The following SORCS1 variants were observed in gnomAD, a reference collection of about 807,000 sequenced individuals.
SORCS1 encodes the protein sortilin related VPS10 domain containing receptor 1, also known as VPS10 domain-containing receptor SorCS1.
SORCS1 carries 60 observed loss-of-function variants against 146.1 expected under a neutral mutation model. The ratio of observed to expected loss-of-function variants is 0.41; its 90% CI spans 0.33 to 0.51. The LOEUF (loss-of-function observed/expected upper bound fraction) is 0.51, where lower values mean the gene tolerates loss of function less well. SORCS1 is among the 20% of genes least tolerant of loss of function. The pLI, the probability that SORCS1 is intolerant of heterozygous loss-of-function variation, is 0.21. For synonymous variants in SORCS1, 637 were observed against 584.0 expected, an observed-to-expected ratio of 1.09 and a Z score of -1.31; for missense variants, 1,352 against 1,487.6, an observed-to-expected ratio of 0.91 and a Z score of 1.50.
At chr10:107,018,598 A>T (rs1433032592) in intron 1 of SORCS1, among the ~76,000 whole-genome samples, 1 of 151,910 alleles carries the variant, frequency 6.6e-6, no homozygotes, top group Non-Finnish European at 1.5e-5. Context: ...TTAAGCTTGT[A>T]TGCTTTTCTT....
At chr10:107,043,372 C>A (rs960472756) in intron 1 of SORCS1, among the ~76,000 whole-genome samples, 6 of 152,154 alleles carry the variant, frequency 3.9e-5, no homozygotes, top group Admixed American at 2.6e-4. Flanking sequence ...GTAAGTCTTA[C>A]AATGTTGATT....
intron 19 of SORCS1, among the ~76,000 whole-genome samples, chr10:106,625,124 C>CTT (rs1021445422): frequency 1.3e-5 from 2 of 152,042 alleles, no homozygotes; most frequent in African/African-American, 4.8e-5. Flanking sequence ...CTGGGTTTCC[C>CTT]CTCTCTTTTC....
intron 3 of SORCS1, among the ~76,000 whole-genome samples, chr10:106,808,148 T>C (rs1947280901): frequency 6.6e-6 from 1 of 151,856 alleles, no homozygotes; most frequent in Non-Finnish European, 1.5e-5. Flanking sequence ...GCCTCCCGAG[T>C]AGCTGGGATT....
rs143321004 is a variant in SORCS1, at chr10:106,603,176, G to GA, written c.3165+3989dup. ...GTCTTTCCTCCCTACAGGAGAGACA[G>GA]AAACAAATTTATTCACCCCTGAGGA... On this transcript the variant is annotated intron_variant, in intron 23 of 25. Coordinates refer to ENST00000263054, the MANE Select transcript of SORCS1 (RefSeq NM_052918.5). 5.5e-3 allele frequency among the ~76,000 whole-genome samples: 842 copies of GA among 152,278 alleles called. 11 individuals carry two copies. The highest frequency in any genetic ancestry group is 0.019 in the African/African-American group (803 of 41,546).
intron 6 of SORCS1, among the ~76,000 whole-genome samples, chr10:106,717,369 C>G (rs573813495): frequency 1.3e-5 from 2 of 152,318 alleles, no homozygotes; most frequent in Admixed American, 1.3e-4. Context: ...TCACATGTAC[C>G]AGCTAGAAAT....
chr10:106,853,338 A>T (rs937516903), intron 2 of SORCS1, among the ~76,000 whole-genome samples: 2 of 150,996 alleles, frequency 1.3e-5, no homozygotes, highest in African/African-American at 4.9e-5. Flanking sequence ...TTCTGACATT[A>T]GTATTTTGTG....
chr10:106,692,775 A>G (rs1853396325), intron 9 of SORCS1, among the ~76,000 whole-genome samples: 1 of 152,088 alleles, frequency 6.6e-6, no homozygotes, highest in South Asian at 2.1e-4. Flanking sequence ...CTATAAGTGT[A>G]ACATTCTACA....
chr10:107,092,878 A>G (rs1457192509), intron 1 of SORCS1, among the ~76,000 whole-genome samples: 1 of 130,774 alleles, frequency 7.6e-6, no homozygotes, highest in African/African-American at 2.9e-5. Context: ...CTAAAAGAAG[A>G]CCATGAAAAA....
At chr10:106,968,270 G>A (rs1388759778) in intron 1 of SORCS1, among the ~76,000 whole-genome samples, 1 of 152,190 alleles carries the variant, frequency 6.6e-6, no homozygotes, top group Non-Finnish European at 1.5e-5. Context: ...TTTTGTAGGA[G>A]CGAGATGGAA....
intron 2 of SORCS1, among the ~76,000 whole-genome samples, chr10:106,912,835 T>C (rs1236259694): frequency 2.6e-5 from 4 of 152,086 alleles, no homozygotes; most frequent in African/African-American, 9.6e-5. Context: ...CACACCACCA[T>C]GCCCGGCTAA....
chr10:106,940,522 G>C (rs953242667), intron 2 of SORCS1, among the ~76,000 whole-genome samples: 2 of 152,174 alleles, frequency 1.3e-5, no homozygotes, highest in African/African-American at 4.8e-5. Flanking sequence ...ATGTAAAACA[G>C]AGCACATGAG....
intron 14 of SORCS1, among the ~76,000 whole-genome samples, chr10:106,674,352 A>AAAAAAAAAAAAAAAAAAAC (rs1851861612): frequency 6.9e-6 from 1 of 145,388 alleles, no homozygotes; most frequent in African/African-American, 2.5e-5. Flanking sequence ...AAAAAAAAAA[A>AAAAAAAAAAAAAAAAAAAC]AAAAAGTAGT....
chr10:107,016,634 T>C (rs567678402), intron 1 of SORCS1, among the ~76,000 whole-genome samples: 1 of 152,350 alleles, frequency 6.6e-6, no homozygotes, highest in Non-Finnish European at 1.5e-5. Flanking sequence ...ATTTCTTTAA[T>C]AGGACACTTA....
In SORCS1 at chr10:107,158,156, G is replaced by T. The variant is rs192696575; in HGVS notation, c.558+5813C>A. ...ATCAAGGTAAAAATGAAACAATGATGACTCCAGCTAAGATTTAATGTGCAA... is the reference window on the plus strand; with the variant it reads ...ATCAAGGTAAAAATGAAACAATGATTACTCCAGCTAAGATTTAATGTGCAA... On this transcript the variant is annotated intron_variant, in intron 1 of 25. Transcript: ENST00000263054. Among the ~76,000 whole-genome samples, 22 of 152,234 alleles carry T rather than the reference G, an allele frequency of 1.4e-4. No individual in the cohort carries two copies. In the East Asian group the frequency reaches 3.9e-3, roughly 27 times the overall value.
chr10:106,816,240 G>T (rs1947735281), intron 3 of SORCS1, among the ~76,000 whole-genome samples: 1 of 152,122 alleles, frequency 6.6e-6, no homozygotes, highest in African/African-American at 2.4e-5. Context: ...CATCTTTAAG[G>T]CTACTGGTCA....
intron 19 of SORCS1, among the ~76,000 whole-genome samples, chr10:106,621,626 C>G (rs1847752037): frequency 6.6e-6 from 1 of 151,872 alleles, no homozygotes; most frequent in Non-Finnish European, 1.5e-5. Flanking sequence ...TCTTTGCCTC[C>G]AGCAATCAAA....
chr10:106,620,179 C>T, intron 20 of SORCS1: 1 of 388,168 alleles, frequency 2.6e-6, no homozygotes, highest in Non-Finnish European at 4.6e-6. Flanking sequence ...ACTACAAAGA[C>T]AAGTACAGCT....
At chr10:106,994,063 CAAAAAAA>C (rs67408221) in intron 1 of SORCS1, among the ~76,000 whole-genome samples, 57 of 80,806 alleles carry the variant, frequency 7.1e-4, no homozygotes, top group Middle Eastern at 7.0e-3. Context: ...GACCCCATCT[CAAAAAAA>C]AAAAAAAAAA....
intron 2 of SORCS1, among the ~76,000 whole-genome samples, chr10:106,858,418 G>C (rs968258223): frequency 6.6e-6 from 1 of 151,866 alleles, no homozygotes; most frequent in African/African-American, 2.4e-5. Flanking sequence ...AGGAGATTGA[G>C]ACCATCCTGG....
Sources: allele counts gnomAD v4.1 joint callset (sites outside exome capture counted in the v4.1 genomes callset), GRCh38; gene constraint gnomAD v4.1.1; transcripts MANE v1.5; gene names NCBI Gene and HGNC (gene_info 2026-07-23, HGNC 2026-07-21).